The following PROM1 variants were observed in gnomAD, a reference collection of about 807,000 sequenced individuals.
The protein encoded by PROM1 is prominin-1.
PROM1 carries 105 observed loss-of-function variants against 116.9 expected under a neutral mutation model. That is an observed-to-expected ratio of 0.90 (90% confidence interval 0.77 to 1.06). The LOEUF is 1.06. PROM1 is among the 50% of genes least tolerant of loss of function. The pLI, the probability that PROM1 is intolerant of heterozygous loss-of-function variation, is 0.00. For missense variants in PROM1, 1,122 were observed against 1,045.2 expected (o/e 1.07, Z -1.01); for synonymous variants, 393 against 387.0 (o/e 1.02, Z -0.18).
Position 16,000,611 on chromosome 4 carries a change from C to G in PROM1, c.1463G>C (p.Gly488Ala). 6.4e-7 allele frequency: 1 copy of G among 1,562,592 alleles called. No individual in the cohort carries two copies. The highest frequency in any genetic ancestry group is 8.7e-7 in the Non-Finnish European group (1 of 1,145,754). ...TGGVFLMVGV[G>A]LSFLFCWILM... is the part of the protein sequence containing the mutation. Reference sequence around the variant, plus strand: ...TATCCAGCAAAAGAGGAAACTTAATCCAACTCCACTGGAAAAAAATATAAA... The same window carrying G: ...TATCCAGCAAAAGAGGAAACTTAATGCAACTCCACTGGAAAAAAATATAAA... Residue 488 changes from glycine (G) to alanine (A), a missense_variant, in exon 14 of 28, where the codon GGA (glycine) becomes GCA (alanine). Physicochemically the swap from Gly to Ala is moderately conservative, Grantham distance 60. Coordinates refer to ENST00000447510, the MANE Select transcript of PROM1 (RefSeq NM_006017.3).
intron 2 of PROM1, among the ~76,000 whole-genome samples, chr4:16,051,870 G>GT (rs1737962557): frequency 6.6e-6 from 1 of 152,192 alleles, no homozygotes; most frequent in South Asian, 2.1e-4. Context: ...ACTGGGATTT[G>GT]TAAGAACTCG....
chr4:16,018,568 A>T (rs773384271), intron 8 of PROM1, 28 bp from the exon 9 acceptor site: 2 of 1,567,868 alleles, frequency 1.3e-6, no homozygotes, highest in South Asian at 1.2e-5. Context: ...GCTTCAGAAC[A>T]CACATGCCAA....
rs773493904 is a variant in PROM1 at position 16,062,033 on chromosome 4, G to C, written c.220+13654C>G. 1.9e-3 allele frequency among the ~76,000 whole-genome samples: 288 copies of C among 151,858 alleles called. 1 individual carries two copies. The highest frequency in any genetic ancestry group is 3.3e-3 in the Non-Finnish European group (223 of 67,928). On this transcript the variant is annotated intron_variant, in intron 2 of 27. Transcript: ENST00000447510. ...CAGCCCCCGGAGTAGCTGGGACTAC[G>C]GGCGCCTGCCACCACGCCCGGCTAA... is the stretch of plus-strand genomic sequence containing the variant.
chr4:16,056,755 C>T (rs144322343), intron 2 of PROM1, among the ~76,000 whole-genome samples: 11 of 152,124 alleles, frequency 7.2e-5, no homozygotes, highest in African/African-American at 1.7e-4. Flanking sequence ...GGCTTAGGAG[C>T]GTTTGGCATG....
intron 11 of PROM1, among the ~76,000 whole-genome samples, chr4:16,010,352 A>G (rs1726606925): frequency 6.6e-6 from 1 of 152,190 alleles, no homozygotes; most frequent in Non-Finnish European, 1.5e-5. Context: ...TTAAAAGTCC[A>G]CTGATCCTGC....
intron 10 of PROM1, among the ~76,000 whole-genome samples, chr4:16,014,108 C>T (rs1469069446): frequency 6.6e-6 from 1 of 152,192 alleles, no homozygotes; most frequent in Non-Finnish European, 1.5e-5. Context: ...AACGTGCAGC[C>T]TTTCCTCTGG....
rs992124515 is a variant in PROM1 at position 16,006,547 on chromosome 4, A to C, written c.1445T>G (p.Phe482Cys). 6.3e-7 allele frequency: 1 copy of C among 1,591,574 alleles called. No homozygotes were observed. Among genetic ancestry groups the C allele is most frequent in the Non-Finnish European group, 8.5e-7 (1 of 1,169,638 alleles). The change falls in exon 13 of 28, where the codon TTC becomes TGC. Residue 482 changes from phenylalanine (F) to cysteine (C), a missense_variant. Physicochemically the swap from Phe to Cys is radical, Grantham distance 205. Transcript: ENST00000447510. ...RGCVSNTGGV[F>C]LMVGVGLSFL... ...AGGAGCAGACACTCACACCATGAGG[A>C]AGACGCCTCCGGTGTTGGAGACACA...
At chr4:15,989,206 C>G (rs1304817357) in intron 19 of PROM1, among the ~76,000 whole-genome samples, 1 of 152,130 alleles carries the variant, frequency 6.6e-6, no homozygotes, top group African/African-American at 2.4e-5. Context: ...CTGTCTAACT[C>G]CAAAGCCCAC....
Position 15,979,395 on chromosome 4 carries a change from C to G in PROM1, c.2582G>C (p.Ser861Thr), listed in dbSNP as rs1717152141. The G allele has an allele frequency of 6.2e-7, 1 of 1,613,586 alleles. No individual in the cohort carries two copies. Among genetic ancestry groups the G allele is most frequent in the East Asian group, 2.2e-5 (1 of 44,838 alleles). The change falls in exon 26 of 28, where the codon AGC becomes ACC. Residue 861 changes from serine (S) to threonine (T), a missense_variant and splice_region_variant. Coordinates refer to ENST00000447510, the MANE Select transcript of PROM1 (RefSeq NM_006017.3). ...VYGIHNPVMT[S>T]PSQH ...CATGCACTTCCAGACTTTGCTTTAC[C>G]TTGTCATAACAGGATTGTGAATACC... is the stretch of plus-strand genomic sequence containing the variant.
At chr4:15,992,203 CTTTAATTTCTCCTAAAGGA>C (rs776091468) in intron 17 of PROM1, 26 bp downstream of exon 17, 3 of 1,597,174 alleles carry the variant, frequency 1.9e-6, no homozygotes, top group Non-Finnish European at 1.7e-6. Flanking sequence ...ACATCTGACA[CTTTAATTTCTCCTAAAGGA>C]TCAAGCATGA....
chr4:16,055,222 T>G, intron 2 of PROM1: 1 of 311,450 alleles, frequency 3.2e-6, no homozygotes, highest in Non-Finnish European at 6.5e-6. Context: ...AAATGTGGAT[T>G]CATAATCACA....
intron 20 of PROM1, among the ~76,000 whole-genome samples, chr4:15,987,252 G>A (rs1244488529): frequency 6.6e-6 from 1 of 152,218 alleles, no homozygotes; most frequent in Non-Finnish European, 1.5e-5. Flanking sequence ...GCCCCAGACA[G>A]GAGCTGCTCC....
At chr4:15,994,323 CT>C (rs1297609989) in intron 15 of PROM1, among the ~76,000 whole-genome samples, 4 of 152,202 alleles carry the variant, frequency 2.6e-5, no homozygotes, top group Non-Finnish European at 4.4e-5. Context: ...TTCCATCTGT[CT>C]CCTACATGCT....
chr4:15,986,025 TA>T lies in PROM1; in HGVS notation c.2142del (p.Arg715GlyfsTer3). ...RTGNGLLERV[T>X]RILASLDFAQ... ...GCAAAATCCAGAGAAGCTAGAATCC[TA>T]GTTACTCTCTCCTGAAAGACACAGC... On this transcript the variant is annotated frameshift_variant, in exon 21 of 28. Transcript: ENST00000447510. LOFTEE classifies it high-confidence loss of function. 6.4e-7 allele frequency: 1 copy of T among 1,572,684 alleles called. No homozygotes were observed.
In PROM1 at chr4:15,980,247, A is replaced by T. The variant is rs1259862787; in HGVS notation, c.2489+175T>A. On this transcript the variant is annotated intron_variant, in intron 24 of 27. Coordinates refer to ENST00000447510, the MANE Select transcript of PROM1 (RefSeq NM_006017.3). ...AAAAAAGTAGTTAAAACAAGTATAGAAAAATCAGTACCAAGAAAAAAAAAT... is the reference window on the plus strand; with the variant it reads ...AAAAAAGTAGTTAAAACAAGTATAGTAAAATCAGTACCAAGAAAAAAAAAT... 1.4e-5 allele frequency: 9 copies of T among 653,280 alleles called. No individual in the cohort carries two copies. The East Asian group carries it at 2.2e-4, about 16-fold the overall frequency. The allele number at this position is 653,280 out of a possible 1,614,324, so 40.5% of individuals were successfully genotyped here.
chr4:15,977,190 C>T (rs1716358421), intron 26 of PROM1, among the ~76,000 whole-genome samples: 1 of 105,674 alleles, frequency 9.5e-6, no homozygotes, highest in South Asian at 3.6e-4. Context: ...TCCACCCAGG[C>T]TTGCATCTCT....
intron 2 of PROM1, among the ~76,000 whole-genome samples, chr4:16,073,347 T>A (rs1743220571): frequency 6.6e-6 from 1 of 152,200 alleles, no homozygotes; most frequent in Non-Finnish European, 1.5e-5. Flanking sequence ...ACTCTTTCTG[T>A]TTTGTTTTTT....
At chr4:16,029,355 T>A (rs1274593821) in intron 5 of PROM1, among the ~76,000 whole-genome samples, 1 of 108,166 alleles carries the variant, frequency 9.2e-6, no homozygotes, top group East Asian at 2.0e-4. Flanking sequence ...GGAAGTCAAG[T>A]CATGGTTTTT....
intron 20 of PROM1, among the ~76,000 whole-genome samples, chr4:15,987,138 T>C (rs565670388): frequency 9.4e-4 from 143 of 152,156 alleles, no homozygotes; most frequent in Non-Finnish European, 1.6e-3. Context: ...CTTTGGCCAA[T>C]GGAACGCTGG....
Sources: allele counts gnomAD v4.1 joint callset (sites outside exome capture counted in the v4.1 genomes callset), GRCh38; gene constraint gnomAD v4.1.1; transcripts MANE v1.5; gene names NCBI Gene and HGNC (gene_info 2026-07-23, HGNC 2026-07-21).